Variants in PCDH15 observed in about 807,000 individuals in gnomAD.
The protein encoded by PCDH15 is protocadherin-15.
Under a neutral mutation model 178.5 loss-of-function variants are expected in PCDH15, and 129 were observed. The ratio of observed to expected loss-of-function variants is 0.72; its 90% CI spans 0.63 to 0.84. The LOEUF is 0.84. PCDH15 is among the 40% of genes least tolerant of loss of function. The pLI, the probability that PCDH15 is intolerant of heterozygous loss-of-function variation, is 0.00. For missense variants in PCDH15, 2,230 were observed against 2,099.9 expected (o/e 1.06, Z -1.21); for synonymous variants, 800 against 732.0 (o/e 1.09, Z -1.50).
At chr10:54,342,438 G>A (rs910786049) in intron 6 of PCDH15, among the ~76,000 whole-genome samples, 1 of 152,220 alleles carries the variant, frequency 6.6e-6, no homozygotes, top group African/African-American at 2.4e-5. Context: ...GAAGACAAGA[G>A]TTGAGCTTTG....
intron 2 of PCDH15, among the ~76,000 whole-genome samples, chr10:55,097,458 G>A (rs1281547393): frequency 1.3e-5 from 2 of 152,062 alleles, no homozygotes; most frequent in East Asian, 1.9e-4. Context: ...TCAAGCTCAC[G>A]CTAAGAACAA....
chr10:54,072,932 T>A, intron 17 of PCDH15, among the ~76,000 whole-genome samples: 1 of 152,146 alleles, frequency 6.6e-6, no homozygotes, highest in Middle Eastern at 3.4e-3. Flanking sequence ...TGAGTATTTA[T>A]ATTGTCTTAA....
chr10:54,095,660 C>T (rs1474242526), intron 15 of PCDH15, among the ~76,000 whole-genome samples: 1 of 152,138 alleles, frequency 6.6e-6, no homozygotes, highest in Non-Finnish European at 1.5e-5. Context: ...AGAATCACTG[C>T]TGGTAGTGTT....
Position 53,840,502 on chromosome 10 carries a change from A to C in PCDH15, c.3807-6T>G, listed in dbSNP as rs727504791. 50 of 1,612,748 alleles carry C rather than the reference A, an allele frequency of 3.1e-5. No homozygotes were observed. In the Middle Eastern group the frequency reaches 4.9e-4, roughly 16 times the overall value. On this transcript the variant is annotated splice_region_variant and splice_polypyrimidine_tract_variant and intron_variant, in intron 28 of 37. Coordinates refer to ENST00000644397, the MANE Select transcript of PCDH15 (RefSeq NM_001384140.1). ...GAACATAGCGATCCAAGATCCTATAAATCAAACAAAGTACAAACATGACAG... is the reference window on the plus strand; with the variant it reads ...GAACATAGCGATCCAAGATCCTATACATCAAACAAAGTACAAACATGACAG...
chr10:54,958,646 G>T (rs1009328696), intron 2 of PCDH15, among the ~76,000 whole-genome samples: 3 of 151,536 alleles, frequency 2.0e-5, no homozygotes, highest in African/African-American at 7.3e-5. Flanking sequence ...TAAAAACAAA[G>T]CTGCCAAGTA....
At chr10:55,414,804 TC>T (rs1838437660) in intron 2 of PCDH15, among the ~76,000 whole-genome samples, 1 of 145,382 alleles carries the variant, frequency 6.9e-6, no homozygotes, top group Non-Finnish European at 1.5e-5. Context: ...TGTGTGTGTG[TC>T]TGTGTGTGTG....
At chr10:54,613,727 C>T (rs1227984184) in intron 2 of PCDH15, among the ~76,000 whole-genome samples, 2 of 151,530 alleles carry the variant, frequency 1.3e-5, no homozygotes, top group Non-Finnish European at 3.0e-5. Context: ...TTGGCAGAAG[C>T]TTTATTCTAA....
At position 55,602,044 on chromosome 10, in the gene PCDH15, C is replaced by A. The variant is rs181508057; in HGVS notation, c.-156+25581G>T. Reference sequence around the variant, plus strand: ...AGTGGGTGCACGCGCCGTGCACCAGCCAAAGCAGGGCGAGGCGTTGCCTCA... The same window carrying A: ...AGTGGGTGCACGCGCCGTGCACCAGACAAAGCAGGGCGAGGCGTTGCCTCA... On this transcript the variant is annotated intron_variant, in intron 2 of 5. Coordinates refer to the PCDH15 transcript ENST00000613346. Among the ~76,000 whole-genome samples the A allele has an allele frequency of 3.3e-5, 5 of 152,216 alleles. No individual in the cohort carries two copies. The East Asian group carries it at 7.8e-4, about 24-fold the overall frequency.
intron 4 of PCDH15, 53 bp downstream of exon 4, chr10:54,378,729 A>T: frequency 6.4e-7 from 1 of 1,561,716 alleles, no homozygotes; most frequent in African/African-American, 1.4e-5. Context: ...ACACATAGAC[A>T]TTTAAATTAT....
intron 1 of PCDH15, among the ~76,000 whole-genome samples, chr10:55,222,164 C>G (rs1193579374): frequency 2.0e-5 from 3 of 151,734 alleles, no homozygotes; most frequent in African/African-American, 7.3e-5. Flanking sequence ...TGTGAGCCAC[C>G]GCGCCCAGCC....
intron 18 of PCDH15, among the ~76,000 whole-genome samples, chr10:54,044,707 G>A (rs905297423): frequency 2.6e-5 from 4 of 152,064 alleles, no homozygotes; most frequent in South Asian, 2.1e-4. Context: ...ATCCAACCAC[G>A]GTGTTCCCAA....
intron 3 of PCDH15, among the ~76,000 whole-genome samples, chr10:54,517,665 T>C (rs1248155254): frequency 2.6e-5 from 4 of 151,966 alleles, no homozygotes; most frequent in African/African-American, 9.7e-5. Context: ...GACAGAAAGT[T>C]AACAAGGATA....
intron 1 of PCDH15, among the ~76,000 whole-genome samples, chr10:54,698,806 C>T (rs894490944): frequency 6.6e-6 from 1 of 152,076 alleles, no homozygotes; most frequent in Admixed American, 6.6e-5. Flanking sequence ...GATTTCTTCC[C>T]TGACAACTGA....
chr10:54,949,602 A>T (rs1182843692), intron 2 of PCDH15, among the ~76,000 whole-genome samples: 2 of 151,966 alleles, frequency 1.3e-5, no homozygotes, highest in East Asian at 3.9e-4. Context: ...TCAAGATGCA[A>T]ATTTTTCAAA....
chr10:55,197,861 T>A (rs1458607120), intron 1 of PCDH15, among the ~76,000 whole-genome samples: 3 of 152,276 alleles, frequency 2.0e-5, no homozygotes, highest in Non-Finnish European at 2.9e-5. Flanking sequence ...ACCATACTTA[T>A]ATATCAATGT....
Position 55,337,027 on chromosome 10 carries a change from C to T in PCDH15, c.-155-170376G>A, listed in dbSNP as rs146162727. 2.8e-3 allele frequency among the ~76,000 whole-genome samples: 429 copies of T among 152,274 alleles called. 1 individual carries two copies. Among genetic ancestry groups the T allele is most frequent in the African/African-American group, 9.9e-3 (410 of 41,568 alleles). Reference sequence around the variant, plus strand: ...TCCCTCAATTGTAACAGCTAAAAGTCTCTCCGTTCAGTGTCAAATACCCAC... The same window carrying T: ...TCCCTCAATTGTAACAGCTAAAAGTTTCTCCGTTCAGTGTCAAATACCCAC... On this transcript the variant is annotated intron_variant, in intron 2 of 5. Transcript: ENST00000613346.
chr10:54,701,428 T>C (rs975622495), intron 1 of PCDH15, among the ~76,000 whole-genome samples: 17 of 152,044 alleles, frequency 1.1e-4, no homozygotes, highest in Non-Finnish European at 1.6e-4. Context: ...AAAAACATGA[T>C]TAAAGGATCA....
intron 3 of PCDH15, among the ~76,000 whole-genome samples, chr10:54,414,564 A>G (rs772866079): frequency 3.3e-5 from 5 of 152,154 alleles, no homozygotes; most frequent in Non-Finnish European, 7.4e-5. Context: ...CAGTCAGTGA[A>G]TACTTGATAC....
intron 13 of PCDH15, among the ~76,000 whole-genome samples, chr10:54,173,561 ATAAGT>A (rs61566958): frequency 0.27 from 41,423 of 151,820 alleles, 6,459 homozygotes; most frequent in Non-Finnish European, 0.37. Context: ...AACCTGAAAT[ATAAGT>A]TATTTCCCAT....
Sources: gnomAD v4.1 joint callset for allele counts (sites outside exome capture counted in the v4.1 genomes callset) on GRCh38, gnomAD v4.1.1 for gene constraint, MANE v1.5 for transcripts, NCBI Gene and HGNC (gene_info 2026-07-23, HGNC 2026-07-21) for gene names.